The following DTX1 variants were observed in gnomAD, a reference collection of about 807,000 sequenced individuals.
The protein encoded by DTX1 is E3 ubiquitin-protein ligase DTX1.
In DTX1, 26 loss-of-function variants were observed where a neutral mutation model predicts 57.8. The observed-to-expected ratio is 0.45, with a 90% CI of 0.33 to 0.62. DTX1 has a LOEUF of 0.62. Among genes scored for constraint, DTX1 ranks in the 20% least tolerant of loss-of-function variants. The probability of loss-of-function intolerance (pLI) is 0.02; values close to 1 mark genes in which losing one functional copy is unlikely to be tolerated. For missense variants in DTX1, 704 were observed against 895.3 expected, an observed-to-expected ratio of 0.79 and a Z score of 2.73; for synonymous variants, 398 against 394.1, an observed-to-expected ratio of 1.01 and a Z score of -0.12.
intron 2 of DTX1, among the ~76,000 whole-genome samples, chr12:113,068,632 GGGCTTCAGA>G (rs1469986445): frequency 2.0e-5 from 3 of 152,216 alleles, no homozygotes; most frequent in Non-Finnish European, 4.4e-5. Flanking sequence ...AGCTTGTGAT[GGGCTTCAGA>G]GGCTACTCTA....
intron 2 of DTX1, among the ~76,000 whole-genome samples, chr12:113,060,299 T>C (rs2044656472): frequency 1.3e-5 from 2 of 151,982 alleles, no homozygotes; most frequent in South Asian, 4.2e-4. Context: ...AAGTCATCAG[T>C]CGAGGTCTTG....
chr12:113,075,797 A>C (rs1158823565), intron 2 of DTX1, among the ~76,000 whole-genome samples: 1 of 152,182 alleles, frequency 6.6e-6, no homozygotes, highest in African/African-American at 2.4e-5. Context: ...TGCAGGGATG[A>C]GCACAAAGTG....
In DTX1 at chr12:113,093,708, C is replaced by G. The variant is rs1950264058; in HGVS notation, c.1165+8C>G. On this transcript the variant is annotated splice_region_variant and intron_variant, in intron 5 of 9. Transcript: ENST00000548759. The surrounding 1 kb of genome is among the most constrained non-coding windows in gnomAD (Gnocchi z 4.2). Reference sequence around the variant, plus strand: ...AGAAGCACCTTAAAAAGAGTACGCCCTCCACGCCCTGCCTCACACGAGATG... The same window carrying G: ...AGAAGCACCTTAAAAAGAGTACGCCGTCCACGCCCTGCCTCACACGAGATG... 4 of 1,612,758 alleles carry G rather than the reference C, an allele frequency of 2.5e-6. No homozygotes were observed. The highest frequency in any genetic ancestry group is 3.4e-6 in the Non-Finnish European group (4 of 1,179,344).
chr12:113,069,346 GC>G (rs1235558409), intron 2 of DTX1, among the ~76,000 whole-genome samples: 1 of 152,024 alleles, frequency 6.6e-6, no homozygotes, highest in Non-Finnish European at 1.5e-5. Context: ...GCGTATGAGT[GC>G]CCGCCTCCGC....
intron 2 of DTX1, among the ~76,000 whole-genome samples, chr12:113,070,428 C>G (rs2044731010): frequency 6.6e-6 from 1 of 152,242 alleles, no homozygotes; most frequent in South Asian, 2.1e-4. Flanking sequence ...ACTGAGATCA[C>G]TTCCCTCCGG....
chr12:113,092,142 C>T lies in DTX1; in HGVS notation c.942-1020C>T, dbSNP rs34629496. Among the ~76,000 whole-genome samples, 578 of 152,270 alleles carry T rather than the reference C, an allele frequency of 3.8e-3. 1 individual carries two copies. Among genetic ancestry groups the T allele is most frequent in the South Asian group, 8.7e-3 (42 of 4,830 alleles). ...CACTGCAGCAGTTTTGTGGTTTCCT[C>T]TCTAAGATGGAGAGAAGTTACACCA... is the stretch of plus-strand genomic sequence containing the variant. On this transcript the variant is annotated intron_variant, in intron 3 of 9. Coordinates refer to ENST00000548759, the MANE Select transcript of DTX1 (RefSeq NM_004416.3).
At position 113,095,313 on chromosome 12, in the gene DTX1, C is replaced by G. The variant is rs150127864; in HGVS notation, c.1549-12C>G. The G allele has an allele frequency of 5.2e-4, 847 of 1,614,058 alleles. 7 individuals are homozygous for G. The African/African-American group carries it at 9.9e-3, about 19-fold the overall frequency. On this transcript the variant is annotated splice_polypyrimidine_tract_variant and intron_variant, in intron 8 of 9. Transcript: ENST00000548759. ...TTCATGGTCTAAATCCCTGTACTGT[C>G]CCTCTCTGCAGGGCCCTGAGCACCC...
Position 113,093,473 on chromosome 12 carries a change from G to T in DTX1, c.1004-66G>T. 7.2e-7 allele frequency: 1 copy of T among 1,398,534 alleles called. No individual in the cohort carries two copies. The highest frequency in any genetic ancestry group is 1.4e-5 in the South Asian group (1 of 69,628). 86.6% of individuals were successfully genotyped at this position (1,398,534 alleles called of 1,614,324 possible). A position where few individuals can be genotyped will look rare whatever the true frequency, so the allele number is the denominator to read the frequency against. On this transcript the variant is annotated intron_variant, in intron 4 of 9. Coordinates refer to ENST00000548759, the MANE Select transcript of DTX1 (RefSeq NM_004416.3). This position sits in a 1 kb window ranked among gnomAD's most constrained non-coding sequence, Gnocchi z 4.2. ...CACCCGAGGGCCCCGGGATTCCCAG[G>T]GCCAGTGGTCGGGGGTTTGGGCGGG... is the stretch of plus-strand genomic sequence containing the variant.
chr12:113,070,861 C>T (rs77796846), intron 2 of DTX1, among the ~76,000 whole-genome samples: 8,779 of 152,244 alleles, frequency 0.058, 615 homozygotes, highest in African/African-American at 0.16. Flanking sequence ...TTCACCTCTC[C>T]GGGCCTCAGT....
intron 3 of DTX1, among the ~76,000 whole-genome samples, chr12:113,081,650 A>G (rs1344967857): frequency 6.6e-6 from 1 of 152,206 alleles, no homozygotes; most frequent in Non-Finnish European, 1.5e-5. Flanking sequence ...CAGCTGATCC[A>G]TGCAGAGGGA....
intron 2 of DTX1, among the ~76,000 whole-genome samples, chr12:113,067,898 A>AC (rs2136426220): frequency 6.6e-6 from 1 of 151,934 alleles, no homozygotes; most frequent in East Asian, 1.9e-4. Context: ...AAATAGCTAG[A>AC]CATGATGGCA....
intron 3 of DTX1, among the ~76,000 whole-genome samples, chr12:113,082,327 G>C (rs547360922): frequency 6.6e-6 from 1 of 152,152 alleles, no homozygotes; most frequent in East Asian, 1.9e-4. Flanking sequence ...GAAACCCCCC[G>C]GGGAAAATCC....
intron 2 of DTX1, among the ~76,000 whole-genome samples, chr12:113,064,043 C>T (rs2044688027): frequency 6.6e-6 from 1 of 152,182 alleles, no homozygotes; most frequent in South Asian, 2.1e-4. Flanking sequence ...TCCCCCTTCT[C>T]CCTTGAGAGC....
intron 3 of DTX1, among the ~76,000 whole-genome samples, chr12:113,090,828 G>T (rs1186728607): frequency 1.3e-5 from 2 of 152,212 alleles, no homozygotes; most frequent in African/African-American, 2.4e-5. Context: ...ATGTGTGCAG[G>T]TGTGGGCCTC....
chr12:113,078,233 C>A, intron 3 of DTX1, 128 bp downstream of exon 3: 1 of 785,628 alleles, frequency 1.3e-6, no homozygotes, highest in Non-Finnish European at 1.6e-6. Context: ...TAATATCCAG[C>A]ATGCACTAAA....
At chr12:113,087,944 C>T (rs1025317023) in intron 3 of DTX1, among the ~76,000 whole-genome samples, 9 of 152,318 alleles carry the variant, frequency 5.9e-5, no homozygotes, top group African/African-American at 1.7e-4. Context: ...GTGGCCAAAG[C>T]AGGCCAATGG....
At chr12:113,066,554 G>C (rs115473393) in intron 2 of DTX1, among the ~76,000 whole-genome samples, 8,886 of 151,922 alleles carry the variant, frequency 0.058, 422 homozygotes, top group African/African-American at 0.13. Flanking sequence ...ATCGTAGTGG[G>C]TGGGGAGATT....
rs113332852 is a variant in DTX1 at position 113,075,965 on chromosome 12, G to C, written c.260-1459G>C. Among the ~76,000 whole-genome samples, 67 of 152,120 alleles carry C rather than the reference G, an allele frequency of 4.4e-4. 2 individuals carry two copies. Among genetic ancestry groups the C allele is most frequent in the African/African-American group, 8.7e-4 (36 of 41,500 alleles). On this transcript the variant is annotated intron_variant, in intron 2 of 9. Coordinates refer to ENST00000548759, the MANE Select transcript of DTX1 (RefSeq NM_004416.3). ...TTGTGGCTATTACATTCTAGCGAGG[G>C]GGGGACAGACAGAAACCAAGATAAA...
chr12:113,060,480 G>A (rs2044657447), intron 2 of DTX1, among the ~76,000 whole-genome samples: 2 of 152,206 alleles, frequency 1.3e-5, no homozygotes, highest in African/African-American at 2.4e-5. Flanking sequence ...AAGAATGAGT[G>A]AGGGTGCCAG....
Sources: gnomAD v4.1 joint callset for allele counts (sites outside exome capture counted in the v4.1 genomes callset) on GRCh38, gnomAD v4.1.1 for gene constraint, Gnocchi (gnomAD v3.1) non-coding constraint, MANE v1.5 for transcripts, NCBI Gene and HGNC (gene_info 2026-07-23, HGNC 2026-07-21) for gene names.